Variants in CEP83 observed in about 807,000 individuals in gnomAD.
CEP83 encodes the protein centrosomal protein of 83 kDa.
In CEP83, 70 loss-of-function variants were observed where a neutral mutation model predicts 101.9. That is an observed-to-expected ratio of 0.69 (90% CI 0.57 to 0.84). The LOEUF (loss-of-function observed/expected upper bound fraction) is 0.84. Ranked by LOEUF, CEP83 falls within the 40% of genes least tolerant of loss-of-function variation. CEP83 has a pLI of 0.00. For synonymous variants in CEP83, 264 were observed against 267.9 expected, an observed-to-expected ratio of 0.99 and a Z score of 0.14; for missense variants, 715 against 787.2, an observed-to-expected ratio of 0.91 and a Z score of 1.10.
At chr12:94,301,119 T>C in the CEP83 span, 3 of 1,461,862 alleles carry the variant, frequency 2.1e-6, no homozygotes, top group Non-Finnish European at 2.9e-6. Context: ...CTTGTCTTTC[T>C]GATAAGCATT....
chr12:94,434,570 T>C (rs903268387), intron 2 of CEP83, among the ~76,000 whole-genome samples: 1 of 152,242 alleles, frequency 6.6e-6, no homozygotes, highest in African/African-American at 2.4e-5. Context: ...CTTTTAAAAA[T>C]GTCACAATAT....
intron 2 of CEP83, chr12:94,424,161 G>A: frequency 6.2e-7 from 1 of 1,603,422 alleles, no homozygotes; most frequent in Non-Finnish European, 8.5e-7. Context: ...ATCCTGTTGG[G>A]GGTGATGTTA....
At position 94,411,842 on chromosome 12, in the gene CEP83, T is replaced by C. The variant is rs1388852061; in HGVS notation, c.179A>G (p.Gln60Arg). The change falls in exon 4 of 17, where the codon CAG becomes CGG. Residue 60 changes from glutamine to arginine, a missense_variant. Transcript: ENST00000397809. ...ATTTTGTAACTTTACATGTTCATTCTGCAACCTGGTTTTTTTTAAAGAGAA... is the reference window on the plus strand; with the variant it reads ...ATTTTGTAACTTTACATGTTCATTCCGCAACCTGGTTTTTTTTAAAGAGAA... ...QTLKAEHTRL[Q>R]NEHVKLQNEL... 6.2e-7 allele frequency: 1 copy of C among 1,608,864 alleles called. No homozygotes were observed. The highest frequency in any genetic ancestry group is 2.2e-5 in the East Asian group (1 of 44,730).
intron 2 of CEP83, among the ~76,000 whole-genome samples, chr12:94,427,732 G>GT (rs1289191931): frequency 6.6e-6 from 1 of 151,640 alleles, no homozygotes; most frequent in Non-Finnish European, 1.5e-5. Context: ...AGTGAATGAT[G>GT]TTTTTTAAAA....
chr12:94,297,618 C>A, the CEP83 span, among the ~76,000 whole-genome samples: 1 of 152,216 alleles, frequency 6.6e-6, no homozygotes, highest in Non-Finnish European at 1.5e-5. Context: ...CAGCACTTTA[C>A]AGATTTGTAC....
the CEP83 span, chr12:94,282,050 T>C: frequency 9.6e-6 from 4 of 418,040 alleles, no homozygotes; most frequent in Non-Finnish European, 1.8e-5. Flanking sequence ...TAGAATGCAT[T>C]ATTTTGTCTT....
chr12:94,337,397 A>AT (rs1035135865), intron 11 of CEP83, among the ~76,000 whole-genome samples: 17 of 151,232 alleles, frequency 1.1e-4, no homozygotes, highest in East Asian at 3.9e-4. Context: ...TCTAAAACTC[A>AT]TTTTTTTTTG....
intron 15 of CEP83, among the ~76,000 whole-genome samples, chr12:94,310,751 C>A (rs1172301460): frequency 6.6e-6 from 1 of 152,104 alleles, no homozygotes; most frequent in Non-Finnish European, 1.5e-5. Context: ...TACAAAATTG[C>A]CATTTTTAAA....
intron 6 of CEP83, among the ~76,000 whole-genome samples, chr12:94,390,682 G>C (rs1380445765): frequency 2.6e-5 from 4 of 152,184 alleles, no homozygotes; most frequent in African/African-American, 4.8e-5. Context: ...ACTTCTCCAA[G>C]CTAAGGGATG....
intron 4 of CEP83, among the ~76,000 whole-genome samples, chr12:94,403,924 T>C (rs933166019): frequency 5.3e-5 from 8 of 152,080 alleles, no homozygotes; most frequent in Non-Finnish European, 1.2e-4. Context: ...TATATTAATT[T>C]CTATAAAAAT....
chr12:94,324,621 CCTCA>C (rs1228390315), intron 14 of CEP83, among the ~76,000 whole-genome samples: 6 of 152,126 alleles, frequency 3.9e-5, no homozygotes, highest in Admixed American at 2.6e-4. Flanking sequence ...TTTCTATTTT[CCTCA>C]CTGTACATCT....
At chr12:94,395,545 G>C (rs995257359) in intron 6 of CEP83, among the ~76,000 whole-genome samples, 1 of 152,064 alleles carries the variant, frequency 6.6e-6, no homozygotes, top group African/African-American at 2.4e-5. Flanking sequence ...TTTTGGCTGG[G>C]TGTGGTGACT....
chr12:94,301,472 G>C (rs1968461470), downstream of CEP83, among the ~76,000 whole-genome samples: 1 of 152,174 alleles, frequency 6.6e-6, no homozygotes, highest in South Asian at 2.1e-4. Context: ...TCTTGCTCAA[G>C]ATTTCTAACA....
intron 11 of CEP83, among the ~76,000 whole-genome samples, chr12:94,352,202 C>T (rs780620612): frequency 2.6e-5 from 4 of 152,080 alleles, no homozygotes; most frequent in Non-Finnish European, 4.4e-5. Flanking sequence ...AGGCAGATCA[C>T]GAGGTCAGGA....
At chr12:94,353,732 GAAA>G (rs35963595) in intron 11 of CEP83, among the ~76,000 whole-genome samples, 1 of 134,246 alleles carries the variant, frequency 7.4e-6, no homozygotes, top group East Asian at 2.3e-4. Context: ...CGAAGTGGGG[GAAA>G]AAAAAAAAAA....
At chr12:94,379,063 A>T (rs1566033829) in intron 6 of CEP83, 21 bp from the exon 7 acceptor site, 1 of 1,559,566 alleles carries the variant, frequency 6.4e-7, no homozygotes, top group Non-Finnish European at 8.8e-7. Flanking sequence ...TTTTAAAGAA[A>T]GCATACAAGG....
intron 11 of CEP83, among the ~76,000 whole-genome samples, chr12:94,354,695 A>G (rs2060361588): frequency 6.6e-6 from 1 of 152,196 alleles, no homozygotes. Context: ...CTGAATGACC[A>G]ATGAGTCAAG....
chr12:94,278,142 A>C, the CEP83 span: 2 of 342,522 alleles, frequency 5.8e-6, no homozygotes, highest in Middle Eastern at 7.4e-4. Context: ...CCGCTCCTTA[A>C]AACCAAAAAA....
Position 94,379,003 on chromosome 12 carries a change from G to A in CEP83, c.589C>T (p.Gln197Ter). ...LEEDKEELRN[Q>*]LLNVDLTKDS... ...TTTGTGAGATCAACATTAAGCAGCT[G>A]GTTACGTAGTTCTTCTTTATCTTCC... Residue 197 changes from glutamine (Q) to a stop codon, truncating the protein, a stop_gained, in exon 7 of 17, where the codon CAG (glutamine) becomes TAG (stop). Transcript: ENST00000397809. LOFTEE classifies it high-confidence loss of function. 6.2e-7 allele frequency: 1 copy of A among 1,611,906 alleles called. No individual in the cohort carries two copies. The highest frequency in any genetic ancestry group is 8.5e-7 in the Non-Finnish European group (1 of 1,178,400).
Sources: gnomAD v4.1 joint callset for allele counts (sites outside exome capture counted in the v4.1 genomes callset) on GRCh38, gnomAD v4.1.1 for gene constraint, MANE v1.5 for transcripts, NCBI Gene and HGNC (gene_info 2026-07-23, HGNC 2026-07-21) for gene names.